Variants in GRID1 observed in about 807,000 individuals in gnomAD.
GRID1 encodes the protein glutamate ionotropic receptor delta type subunit 1.
A neutral mutation model predicts 98.0 loss-of-function variants in GRID1; 28 were observed. The ratio of observed to expected loss-of-function variants is 0.29; its 90% CI spans 0.21 to 0.39. The LOEUF (loss-of-function observed/expected upper bound fraction) is 0.39. Ranked by LOEUF, GRID1 falls within the 10% of genes least tolerant of loss-of-function variation. GRID1 has a pLI of 1.00. For synonymous variants in GRID1, 553 were observed against 538.5 expected, an observed-to-expected ratio of 1.03 and a Z score of -0.37; for missense variants, 1,111 against 1,340.5, an observed-to-expected ratio of 0.83 and a Z score of 2.67.
chr10:85,890,049 A>G (rs1841174182), intron 5 of GRID1, among the ~76,000 whole-genome samples: 1 of 152,060 alleles, frequency 6.6e-6, no homozygotes, highest in Non-Finnish European at 1.5e-5. Context: ...GGGAATGTTC[A>G]ATATCTTCCT....
chr10:85,625,477 G>A (rs1842901977), intron 13 of GRID1, among the ~76,000 whole-genome samples: 1 of 152,114 alleles, frequency 6.6e-6, no homozygotes, highest in South Asian at 2.1e-4. Flanking sequence ...ACATGGTCCA[G>A]ACAAAAAAAG....
chr10:86,323,725 G>T (rs1380232192), intron 2 of GRID1, among the ~76,000 whole-genome samples: 1 of 152,158 alleles, frequency 6.6e-6, no homozygotes, highest in Non-Finnish European at 1.5e-5. Context: ...TAGTGGCAAT[G>T]GTTGCACAAC....
At chr10:85,905,529 T>A (rs1298172412) in intron 5 of GRID1, among the ~76,000 whole-genome samples, 1 of 152,180 alleles carries the variant, frequency 6.6e-6, no homozygotes, top group South Asian at 2.1e-4. Flanking sequence ...GATAACTGAC[T>A]GTTTTAATAA....
intron 6 of GRID1, among the ~76,000 whole-genome samples, chr10:85,866,312 A>AG (rs1420906168): frequency 6.6e-6 from 1 of 151,458 alleles, no homozygotes; most frequent in East Asian, 1.9e-4. Flanking sequence ...CCAAAAAAAA[A>AG]AAAAAAAAAA....
rs562806605 is a variant in GRID1, at chr10:85,708,305, G to A, written c.1997+14698C>T. 3.9e-5 allele frequency among the ~76,000 whole-genome samples: 6 copies of A among 152,016 alleles called. No homozygotes were observed. In the East Asian group the frequency reaches 1.2e-3, roughly 30 times the overall value. On this transcript the variant is annotated intron_variant, in intron 12 of 15. Coordinates refer to ENST00000327946, the MANE Select transcript of GRID1 (RefSeq NM_017551.3). Reference sequence around the variant, plus strand: ...TGTAGTCCTAGCTACTCGGGAGGCTGAGGCAGGAGAATGGCGTGAGCCCAG... The same window carrying A: ...TGTAGTCCTAGCTACTCGGGAGGCTAAGGCAGGAGAATGGCGTGAGCCCAG...
At chr10:85,921,727 G>T (rs1230568997) in intron 4 of GRID1, among the ~76,000 whole-genome samples, 2 of 152,222 alleles carry the variant, frequency 1.3e-5, no homozygotes, top group Non-Finnish European at 2.9e-5. Flanking sequence ...ATATCCAAGA[G>T]CCTGGAAGGA....
intron 2 of GRID1, among the ~76,000 whole-genome samples, chr10:86,245,030 C>G (rs1264656217): frequency 6.6e-6 from 1 of 152,194 alleles, no homozygotes; most frequent in Non-Finnish European, 1.5e-5. Context: ...TAATTAGACC[C>G]CTGTCGCACT....
intron 8 of GRID1, among the ~76,000 whole-genome samples, chr10:85,792,724 T>A (rs758081420): frequency 1.3e-5 from 2 of 152,186 alleles, no homozygotes; most frequent in Admixed American, 6.5e-5. Context: ...GTTCTTCCTC[T>A]CAAGCTCGAA....
At chr10:86,125,387 C>G (rs1437267711) in intron 4 of GRID1, among the ~76,000 whole-genome samples, 2 of 152,242 alleles carry the variant, frequency 1.3e-5, no homozygotes. Context: ...AGTTAACAAC[C>G]AGCAGCAGCC....
At chr10:86,003,458 T>C (rs1339567771) in intron 4 of GRID1, among the ~76,000 whole-genome samples, 1 of 152,230 alleles carries the variant, frequency 6.6e-6, no homozygotes, top group Non-Finnish European at 1.5e-5. Flanking sequence ...TTTAGAATAT[T>C]ACTTCAGTGA....
intron 4 of GRID1, among the ~76,000 whole-genome samples, chr10:86,064,052 G>A (rs1843685969): frequency 1.3e-5 from 2 of 152,088 alleles, no homozygotes; most frequent in Non-Finnish European, 2.9e-5. Context: ...GGGAACTTGT[G>A]TAATTTTAAA....
chr10:86,234,435 G>A (rs1198869756), intron 2 of GRID1, among the ~76,000 whole-genome samples: 1 of 152,206 alleles, frequency 6.6e-6, no homozygotes, highest in Admixed American at 6.5e-5. Flanking sequence ...CCAGACACAC[G>A]GAAGGGTCTG....
chr10:85,915,812 G>A (rs1471953457), intron 5 of GRID1, among the ~76,000 whole-genome samples: 1 of 152,040 alleles, frequency 6.6e-6, no homozygotes, highest in Non-Finnish European at 1.5e-5. Flanking sequence ...ATGAAATTCA[G>A]CCTTCCTCTC....
chr10:85,976,067 A>T (rs1481483605), intron 4 of GRID1, among the ~76,000 whole-genome samples: 2 of 152,162 alleles, frequency 1.3e-5, no homozygotes, highest in African/African-American at 4.8e-5. Flanking sequence ...ATAGATGCCA[A>T]CACTTCCGTG....
rs934467082 is a variant in GRID1 at position 86,031,446 on chromosome 10, C to G, written c.726+107373G>C. Among the ~76,000 whole-genome samples, 13 of 152,226 alleles carry G rather than the reference C, an allele frequency of 8.5e-5. No individual in the cohort carries two copies. In the East Asian group the frequency reaches 2.5e-3, roughly 29 times the overall value. On this transcript the variant is annotated intron_variant, in intron 4 of 15. Coordinates refer to ENST00000327946, the MANE Select transcript of GRID1 (RefSeq NM_017551.3). ...AGGAGGGTCAAGGGTTGAAAAACTA[C>G]CTATGGGGTACTATGTTCACTACTT...
chr10:86,009,224 G>A (rs1842898592), intron 4 of GRID1, among the ~76,000 whole-genome samples: 2 of 152,246 alleles, frequency 1.3e-5, no homozygotes, highest in Admixed American at 6.5e-5. Flanking sequence ...TGCAAGAAGC[G>A]TAAGTGTTTG....
At chr10:85,666,719 A>G (rs1841022455) in intron 12 of GRID1, among the ~76,000 whole-genome samples, 2 of 152,154 alleles carry the variant, frequency 1.3e-5, no homozygotes, top group South Asian at 4.1e-4. Flanking sequence ...CCCCACTGTC[A>G]TCATTACCTG....
chr10:85,674,924 G>A (rs1841127544), intron 12 of GRID1, among the ~76,000 whole-genome samples: 2 of 152,138 alleles, frequency 1.3e-5, no homozygotes, highest in Non-Finnish European at 2.9e-5. Context: ...GTATCGTTCT[G>A]CTTAAACTGC....
chr10:85,915,260 TCACA>T (rs1841597610), intron 5 of GRID1, among the ~76,000 whole-genome samples: 2 of 151,654 alleles, frequency 1.3e-5, no homozygotes, highest in African/African-American at 4.9e-5. Context: ...CACACAGCAT[TCACA>T]CAAACTCATA....
Sources: allele counts gnomAD v4.1 joint callset (sites outside exome capture counted in the v4.1 genomes callset), GRCh38; gene constraint gnomAD v4.1.1; transcripts MANE v1.5; gene names NCBI Gene and HGNC (gene_info 2026-07-23, HGNC 2026-07-21).